TRIM67: variants seen among roughly 807,000 people sequenced by gnomAD.
TRIM67 encodes tripartite motif containing 67.
In TRIM67, 39 loss-of-function variants were observed where a neutral mutation model predicts 71.0. The ratio of observed to expected loss-of-function variants is 0.55; its 90% CI spans 0.43 to 0.72. The LOEUF is 0.72. TRIM67 is among the 30% of genes least tolerant of loss of function. The pLI is 0.00. For missense variants in TRIM67, 973 were observed against 1,079.2 expected, an observed-to-expected ratio of 0.90 and a Z score of 1.38; for synonymous variants, 481 against 473.9, an observed-to-expected ratio of 1.01 and a Z score of -0.19.
rs190931976 is a variant in TRIM67, at chr1:231,187,543, G to A, written c.1045-9828G>A. 8 of 1,532,658 alleles carry A rather than the reference G, an allele frequency of 5.2e-6. No homozygotes were observed. The Admixed American group carries it at 1.6e-4, about 30-fold the overall frequency. The allele number at this position is 1,532,658 out of a possible 1,614,324, so 94.9% of individuals were successfully genotyped here. A position where few individuals can be genotyped will look rare whatever the true frequency, so the allele number is the denominator to read the frequency against. ...TTAGCACTGAGGGGCAGATAAAAAG[G>A]TGAGAGAAATCCCCTGTGGTCCATT... On this transcript the variant is annotated intron_variant, in intron 1 of 9. Coordinates refer to ENST00000366653, the MANE Select transcript of TRIM67 (RefSeq NM_001004342.5).
chr1:231,197,122 T>C (rs1683385400), intron 1 of TRIM67, among the ~76,000 whole-genome samples: 1 of 152,224 alleles, frequency 6.6e-6, no homozygotes, highest in African/African-American at 2.4e-5. Flanking sequence ...ACCCGTTAGC[T>C]GAGTGCTCCT....
rs749172962 is a variant in TRIM67, at chr1:231,218,232, C to G, written c.*2792C>G. ...AGGTCATGGAATTCTCATCCACCATCGAATTCCATAACACGTTACATCATG... is the reference window on the plus strand; with the variant it reads ...AGGTCATGGAATTCTCATCCACCATGGAATTCCATAACACGTTACATCATG... On this transcript the variant is annotated 3_prime_UTR_variant, in exon 10 of 10. Transcript: ENST00000366653. 5.0e-6 allele frequency: 5 copies of G among 1,008,372 alleles called. No individual in the cohort carries two copies. Among genetic ancestry groups the G allele is most frequent in the Non-Finnish European group, 5.9e-6 (5 of 843,464 alleles). The allele number at this position is 1,008,372 out of a possible 1,614,324, so 62.5% of individuals were successfully genotyped here.
chr1:231,176,938 C>G (rs981444473), intron 1 of TRIM67, among the ~76,000 whole-genome samples: 1 of 117,004 alleles, frequency 8.5e-6, no homozygotes, highest in Admixed American at 8.3e-5. Context: ...TTTCAAACAT[C>G]TCAATTTGCT....
At chr1:231,213,648 C>G (rs990261941) in intron 8 of TRIM67, among the ~76,000 whole-genome samples, 167 bp from the exon 9 acceptor site, 4 of 152,058 alleles carry the variant, frequency 2.6e-5, no homozygotes, top group African/African-American at 9.7e-5. Flanking sequence ...GGAGGATCTC[C>G]TGAGCCTGGG....
chr1:231,204,639 T>C (rs534067328), intron 6 of TRIM67, among the ~76,000 whole-genome samples: 58 of 152,286 alleles, frequency 3.8e-4, no homozygotes, highest in African/African-American at 1.4e-3. Flanking sequence ...TTTCACTCCG[T>C]GACGTTCAGG....
In TRIM67 at chr1:231,217,061, A is replaced by T; in HGVS notation, c.*1621A>T. On this transcript the variant is annotated 3_prime_UTR_variant, in exon 10 of 10. Coordinates refer to ENST00000366653, the MANE Select transcript of TRIM67 (RefSeq NM_001004342.5). ...TCCTTGGTTCTGCCTTCCTGTTCAGACACCGCGCCTGCTTTCTGAGTAACT... is the reference window on the plus strand; with the variant it reads ...TCCTTGGTTCTGCCTTCCTGTTCAGTCACCGCGCCTGCTTTCTGAGTAACT... 1 of 985,882 alleles carries T rather than the reference A, an allele frequency of 1.0e-6. No individual in the cohort carries two copies. Among genetic ancestry groups the T allele is most frequent in the South Asian group, 4.7e-5 (1 of 21,280 alleles). 61.1% of individuals were successfully genotyped at this position (985,882 alleles called of 1,614,324 possible). A position where few individuals can be genotyped will look rare whatever the true frequency, so the allele number is the denominator to read the frequency against.
intron 3 of TRIM67, 52 bp from the exon 4 acceptor site, chr1:231,200,096 G>C (rs1027146828): frequency 1.4e-6 from 2 of 1,415,544 alleles, no homozygotes; most frequent in Admixed American, 1.7e-5. Context: ...GCGGTGGCCT[G>C]CCTGTTCTTC....
intron 6 of TRIM67, among the ~76,000 whole-genome samples, chr1:231,204,371 G>C (rs566703423): frequency 6.6e-6 from 1 of 152,128 alleles, no homozygotes; most frequent in African/African-American, 2.4e-5. Flanking sequence ...GTCTTGTCTT[G>C]GGAGGTATCA....
chr1:231,204,093 GT>G, intron 6 of TRIM67, 81 bp downstream of exon 6: 2 of 1,576,318 alleles, frequency 1.3e-6, no homozygotes, highest in Non-Finnish European at 1.7e-6. Context: ...CCAGACTCTG[GT>G]TCAGCCCATG....
Position 231,217,610 on chromosome 1 carries a change from C to A in TRIM67, c.*2170C>A. On this transcript the variant is annotated 3_prime_UTR_variant, in exon 10 of 10. Coordinates refer to ENST00000366653, the MANE Select transcript of TRIM67 (RefSeq NM_001004342.5). Reference sequence around the variant, plus strand: ...TTCTGAAAAAAAAACAGGCCTACACCCTGCCCCCAGAATGAGAGTGGGCTA... The same window carrying A: ...TTCTGAAAAAAAAACAGGCCTACACACTGCCCCCAGAATGAGAGTGGGCTA... 1 of 1,120,298 alleles carries A rather than the reference C, an allele frequency of 8.9e-7. No homozygotes were observed. Among genetic ancestry groups the A allele is most frequent in the Non-Finnish European group, 1.1e-6 (1 of 902,822 alleles). The allele number at this position is 1,120,298 out of a possible 1,614,324, so 69.4% of individuals were successfully genotyped here. A position where few individuals can be genotyped will look rare whatever the true frequency, so the allele number is the denominator to read the frequency against.
rs2102772308 is a variant in TRIM67 at position 231,219,698 on chromosome 1, G to T, written c.*4258G>T. 1.7e-6 allele frequency: 2 copies of T among 1,185,162 alleles called. No individual in the cohort carries two copies. Among genetic ancestry groups the T allele is most frequent in the South Asian group, 1.6e-5 (1 of 62,474 alleles). 73.4% of individuals were successfully genotyped at this position (1,185,162 alleles called of 1,614,324 possible). ...CTTAATGGGTTTGTGGCCCTCAATT[G>T]GTTTTTAAAAAAATCTAACAGATCT... On this transcript the variant is annotated 3_prime_UTR_variant, in exon 10 of 10. Coordinates refer to ENST00000366653, the MANE Select transcript of TRIM67 (RefSeq NM_001004342.5).
chr1:231,216,246 CTT>C lies in TRIM67; in HGVS notation c.*808_*809del. 1.0e-6 allele frequency: 1 copy of C among 975,070 alleles called. No homozygotes were observed. Among genetic ancestry groups the C allele is most frequent in the Non-Finnish European group, 1.2e-6 (1 of 820,830 alleles). 60.4% of individuals were successfully genotyped at this position (975,070 alleles called of 1,614,324 possible). ...CTCTTACTTTCCTCCATCCCTGCCT[CTT>C]TCTTCCCTCTTTCGCTCTCTTTCCC... On this transcript the variant is annotated 3_prime_UTR_variant, in exon 10 of 10. Transcript: ENST00000366653.
Position 231,220,568 on chromosome 1 carries a change from C to G in TRIM67, c.*5128C>G, listed in dbSNP as rs1385065881. 6.6e-6 allele frequency: 1 copy of G among 152,312 alleles called. No homozygotes were observed. The highest frequency in any genetic ancestry group is 2.4e-5 in the African/African-American group (1 of 41,446). The allele number at this position is 152,312 out of a possible 1,614,324, so 9.4% of individuals were successfully genotyped here. A position where few individuals can be genotyped will look rare whatever the true frequency, so the allele number is the denominator to read the frequency against. On this transcript the variant is annotated 3_prime_UTR_variant, in exon 10 of 10. Coordinates refer to ENST00000366653, the MANE Select transcript of TRIM67 (RefSeq NM_001004342.5). Reference sequence around the variant, plus strand: ...TGGGTTTGAAATCCAGTGTGGATAGCACGAAGAGATGCAACTGAGCCGAAG... The same window carrying G: ...TGGGTTTGAAATCCAGTGTGGATAGGACGAAGAGATGCAACTGAGCCGAAG...
chr1:231,213,844 C>A lies in TRIM67; in HGVS notation c.2153C>A (p.Thr718Asn). The change falls in exon 9 of 10, where the codon ACC (threonine) becomes AAC (asparagine). Residue 718 changes from threonine (T) to asparagine (N), a missense_variant. Coordinates refer to ENST00000366653, the MANE Select transcript of TRIM67 (RefSeq NM_001004342.5). ...GAAGGTGGCGTGTGCAAGGGGGCCA[C>A]CGTGGGCGTGCTGCTGGACCTGAAT... is the stretch of plus-strand genomic sequence containing the variant. ...RTEGGVCKGATVGVLLDLNKH... is the reference protein window; with the variant it reads ...RTEGGVCKGANVGVLLDLNKH... 6.2e-7 allele frequency: 1 copy of A among 1,609,754 alleles called. No homozygotes were observed. The highest frequency in any genetic ancestry group is 1.7e-4 in the Middle Eastern group (1 of 6,040).
chr1:231,189,677 TCTCACTCTGGGGC>T lies in TRIM67; in HGVS notation c.1045-7678_1045-7666del, dbSNP rs112516956. ...TTTTCTTGATTCATAGATGGCATCT[TCTCACTCTGGGGC>T]CTCACTCTGGGGCCTGTTTTATAAG... On this transcript the variant is annotated intron_variant, in intron 1 of 9. Coordinates refer to ENST00000366653, the MANE Select transcript of TRIM67 (RefSeq NM_001004342.5). 1.1e-3 allele frequency among the ~76,000 whole-genome samples: 168 copies of T among 152,236 alleles called. 2 individuals carry two copies. The highest frequency in any genetic ancestry group is 4.0e-3 in the African/African-American group (166 of 41,550).
At position 231,217,413 on chromosome 1, in the gene TRIM67, TG is replaced by T. The variant is rs1553329978; in HGVS notation, c.*1974del. ...CACAAGACCTGGGACCCTGTGTCCT[TG>T]CCCGCACCTCTGCCTCTGTCTCCCA... is the stretch of plus-strand genomic sequence containing the variant. On this transcript the variant is annotated 3_prime_UTR_variant, in exon 10 of 10. Coordinates refer to ENST00000366653, the MANE Select transcript of TRIM67 (RefSeq NM_001004342.5). 1 of 987,978 alleles carries T rather than the reference TG, an allele frequency of 1.0e-6. No homozygotes were observed. Among genetic ancestry groups the T allele is most frequent in the Non-Finnish European group, 1.2e-6 (1 of 831,762 alleles). The allele number at this position is 987,978 out of a possible 1,614,324, so 61.2% of individuals were successfully genotyped here. A position where few individuals can be genotyped will look rare whatever the true frequency, so the allele number is the denominator to read the frequency against.
At chr1:231,188,511 G>A (rs76856921) in intron 1 of TRIM67, among the ~76,000 whole-genome samples, 4,103 of 152,206 alleles carry the variant, frequency 0.027, 173 homozygotes, top group East Asian at 0.19. Flanking sequence ...CCCTGCCTCC[G>A]AGGGATTTTA....
At chr1:231,173,748 G>A (rs1464590240) in intron 1 of TRIM67, among the ~76,000 whole-genome samples, 4 of 152,166 alleles carry the variant, frequency 2.6e-5, no homozygotes, top group Non-Finnish European at 4.4e-5. Context: ...TTTAAGCTGG[G>A]GTGTGATGTT....
At chr1:231,197,733 G>A (rs934309889) in intron 2 of TRIM67, among the ~76,000 whole-genome samples, 10 of 152,234 alleles carry the variant, frequency 6.6e-5, no homozygotes, top group African/African-American at 2.4e-4. Flanking sequence ...TCTGAGGCAG[G>A]AGAATCACTT....
Sources: allele counts gnomAD v4.1 joint callset (sites outside exome capture counted in the v4.1 genomes callset), GRCh38; gene constraint gnomAD v4.1.1; transcripts MANE v1.5; gene names NCBI Gene and HGNC (gene_info 2026-07-23, HGNC 2026-07-21).